Variants in STK32B observed in about 807,000 individuals in gnomAD.
STK32B encodes the protein serine/threonine kinase 32B.
STK32B carries 43 observed loss-of-function variants against 52.6 expected under a neutral mutation model. The observed-to-expected ratio is 0.82, with a 90% confidence interval of 0.64 to 1.05. The LOEUF (loss-of-function observed/expected upper bound fraction) is 1.05, where lower values mean the gene tolerates loss of function less well. Among genes scored for constraint, STK32B ranks in the 50% least tolerant of loss-of-function variants. The pLI, the probability that STK32B is intolerant of heterozygous loss-of-function variation, is 0.00. For missense variants in STK32B, 621 were observed against 534.6 expected, an observed-to-expected ratio of 1.16 and a Z score of -1.59; for synonymous variants, 238 against 204.3, an observed-to-expected ratio of 1.17 and a Z score of -1.41.
At chr4:5,139,496 G>A (rs1478998264) in intron 1 of STK32B, 2 of 188,290 alleles carry the variant, frequency 1.1e-5, no homozygotes, top group African/African-American at 4.6e-5. Flanking sequence ...GTGTGCAGAA[G>A]GAAGTGAAGC....
chr4:5,019,981 A>G, the STK32B span, among the ~76,000 whole-genome samples: 2 of 152,170 alleles, frequency 1.3e-5, no homozygotes, highest in African/African-American at 4.8e-5. Context: ...GTCCTCGTCC[A>G]TCAATCGCTA....
chr4:5,032,942 T>C, the STK32B span, among the ~76,000 whole-genome samples: 1 of 152,208 alleles, frequency 6.6e-6, no homozygotes, highest in Non-Finnish European at 1.5e-5. Context: ...TGTGTGACTT[T>C]ATCTCATTTC....
chr4:5,135,403 T>C (rs1716013092), intron 1 of STK32B, among the ~76,000 whole-genome samples: 1 of 152,162 alleles, frequency 6.6e-6, no homozygotes. Flanking sequence ...CCCAAATAAC[T>C]CTTGTTCTTT....
chr4:5,447,038 G>A, intron 7 of STK32B: 1 of 347,816 alleles, frequency 2.9e-6, no homozygotes, highest in East Asian at 5.0e-5. Flanking sequence ...TCAGTGACAA[G>A]TCAAACATCA....
intron 3 of STK32B, among the ~76,000 whole-genome samples, chr4:5,169,874 T>A (rs1719219417): frequency 6.6e-6 from 1 of 152,168 alleles, no homozygotes; most frequent in South Asian, 2.1e-4. Flanking sequence ...GGTGTGTAAT[T>A]ATTTTTATAC....
chr4:5,184,909 CAAGAG>C (rs149300666), intron 3 of STK32B, among the ~76,000 whole-genome samples: 3,846 of 152,254 alleles, frequency 0.025, 155 homozygotes, highest in African/African-American at 0.087. Flanking sequence ...TAAGTGCTGT[CAAGAG>C]AAGCACAGGA....
At chr4:5,235,465 A>T (rs11729112) in intron 3 of STK32B, among the ~76,000 whole-genome samples, 6 of 152,168 alleles carry the variant, frequency 3.9e-5, no homozygotes, top group Admixed American at 3.3e-4. Context: ...AAATGTCTTA[A>T]TATGTGGCAA....
At chr4:5,122,360 G>T (rs1052840457) in intron 1 of STK32B, among the ~76,000 whole-genome samples, 2 of 121,080 alleles carry the variant, frequency 1.7e-5, no homozygotes, top group Non-Finnish European at 3.3e-5. Flanking sequence ...TCATGCACTT[G>T]TTCACTCATT....
intron 3 of STK32B, among the ~76,000 whole-genome samples, chr4:5,181,771 AG>A (rs1285365547): frequency 1.3e-5 from 2 of 152,256 alleles, no homozygotes; most frequent in Non-Finnish European, 2.9e-5. Flanking sequence ...GTCTTCAACA[AG>A]TTTTAATCTT....
chr4:5,275,009 T>C (rs531773009), intron 3 of STK32B, among the ~76,000 whole-genome samples: 236 of 152,330 alleles, frequency 1.5e-3, no homozygotes, highest in African/African-American at 5.5e-3. Context: ...TGCTCTTCCG[T>C]GACCCACGAC....
chr4:5,133,875 C>T (rs951175845), intron 1 of STK32B, among the ~76,000 whole-genome samples: 3 of 152,174 alleles, frequency 2.0e-5, no homozygotes, highest in African/African-American at 7.2e-5. Context: ...ATCACTACCT[C>T]CATTTTATTA....
At chr4:5,486,082 C>T (rs539148379) in intron 11 of STK32B, among the ~76,000 whole-genome samples, 3 of 152,288 alleles carry the variant, frequency 2.0e-5, no homozygotes, top group East Asian at 1.9e-4. Flanking sequence ...TCTCCAGCTG[C>T]GTGCTGGGAG....
Position 5,467,282 on chromosome 4 carries a change from C to A in STK32B, c.1041+448C>A, listed in dbSNP as rs890623444. Among the ~76,000 whole-genome samples the A allele has an allele frequency of 7.9e-5, 12 of 152,184 alleles. No homozygotes were observed. Among genetic ancestry groups the A allele is most frequent in the African/African-American group, 2.9e-4 (12 of 41,446 alleles). ...GTTCTGGAGGCCAGAAATCCAAACT[C>A]AAGGTCTCCGCAGAGCCCAGCTCTC... On this transcript the variant is annotated intron_variant, in intron 10 of 11. Coordinates refer to ENST00000282908, the MANE Select transcript of STK32B (RefSeq NM_018401.3). This position sits in a 1 kb window ranked among gnomAD's most constrained non-coding sequence, Gnocchi z 5.8.
intron 7 of STK32B, among the ~76,000 whole-genome samples, chr4:5,448,964 C>G (rs1199487267): frequency 6.6e-6 from 1 of 152,170 alleles, no homozygotes; most frequent in Non-Finnish European, 1.5e-5. Context: ...GAGTTATCCC[C>G]CCTCTTGGAA....
chr4:5,488,314 C>G (rs116717736), intron 11 of STK32B, among the ~76,000 whole-genome samples: 3,511 of 152,160 alleles, frequency 0.023, 133 homozygotes, highest in African/African-American at 0.079. Flanking sequence ...AAAACAAAAT[C>G]AATGTAAGAT....
chr4:5,484,984 G>A (rs1413027070), intron 11 of STK32B, among the ~76,000 whole-genome samples: 2 of 152,082 alleles, frequency 1.3e-5, no homozygotes, highest in African/African-American at 4.8e-5. Context: ...GCTTCCCTTT[G>A]TGGGTAACCC....
Position 5,470,887 on chromosome 4 carries a change from G to A in STK32B, c.1106+2817G>A, listed in dbSNP as rs1326634285. 6.6e-6 allele frequency among the ~76,000 whole-genome samples: 1 copy of A among 152,224 alleles called. No homozygotes were observed. Among genetic ancestry groups the A allele is most frequent in the Non-Finnish European group, 1.5e-5 (1 of 68,038 alleles). On this transcript the variant is annotated intron_variant, in intron 11 of 11. Coordinates refer to ENST00000282908, the MANE Select transcript of STK32B (RefSeq NM_018401.3). This position sits in a 1 kb window ranked among gnomAD's most constrained non-coding sequence, Gnocchi z 4.6. ...ATCGAGCACCTTCTTCCCCACTTGA[G>A]CAGTGTAGTGAGTCGAGGGCTGGTC...
chr4:5,299,468 TTATTCTTCTGCA>T (rs1729416906), intron 3 of STK32B, among the ~76,000 whole-genome samples: 1 of 152,162 alleles, frequency 6.6e-6, no homozygotes, highest in Admixed American at 6.5e-5. Context: ...ATGTCAAGTT[TTATTCTTCTGCA>T]TATGATTACC....
intron 4 of STK32B, among the ~76,000 whole-genome samples, chr4:5,352,144 A>G (rs1031506516): frequency 2.0e-5 from 3 of 152,114 alleles, no homozygotes; most frequent in African/African-American, 7.2e-5. Flanking sequence ...ATACAGCAAC[A>G]AAAGAAAAGT....
Sources: gnomAD v4.1 joint callset for allele counts (sites outside exome capture counted in the v4.1 genomes callset) on GRCh38, gnomAD v4.1.1 for gene constraint, Gnocchi (gnomAD v3.1) non-coding constraint, MANE v1.5 for transcripts, NCBI Gene and HGNC (gene_info 2026-07-23, HGNC 2026-07-21) for gene names.